CASZ1: variants seen among roughly 807,000 people sequenced by gnomAD.
CASZ1 encodes zinc finger protein castor homolog 1.
Under a neutral mutation model 135.2 loss-of-function variants are expected in CASZ1, and 28 were observed. That is an observed-to-expected ratio of 0.21 (90% confidence interval 0.15 to 0.28). The LOEUF (loss-of-function observed/expected upper bound fraction) is 0.28. CASZ1 is among the 10% of genes least tolerant of loss of function. The probability of loss-of-function intolerance (pLI) is 1.00; values close to 1 mark genes in which losing one functional copy is unlikely to be tolerated. For synonymous variants in CASZ1, 1,068 were observed against 1,073.4 expected (o/e 0.99, Z 0.10); for missense variants, 2,161 against 2,453.3 (o/e 0.88, Z 2.52).
chr1:10,661,811 CCACA>C (rs1005327421), intron 5 of CASZ1, among the ~76,000 whole-genome samples: 26 of 146,030 alleles, frequency 1.8e-4, no homozygotes, highest in Non-Finnish European at 3.0e-4. Flanking sequence ...ACACACACAC[CCACA>C]GTCACATGTA....
At chr1:10,733,384 T>G (rs981185420) in intron 2 of CASZ1, among the ~76,000 whole-genome samples, 1 of 152,098 alleles carries the variant, frequency 6.6e-6, no homozygotes, top group African/African-American at 2.4e-5. Flanking sequence ...ACCCTGACAC[T>G]CGCCACTGCC....
At chr1:10,740,301 C>T (rs1249125849) in intron 2 of CASZ1, among the ~76,000 whole-genome samples, 1 of 152,216 alleles carries the variant, frequency 6.6e-6, no homozygotes, top group Non-Finnish European at 1.5e-5. Context: ...CCCAGCTCTG[C>T]CCCGTTCCAG....
At chr1:10,783,279 A>C (rs61775156) in intron 1 of CASZ1, among the ~76,000 whole-genome samples, 1 of 118,710 alleles carries the variant, frequency 8.4e-6, no homozygotes. Context: ...GTGTGTGTGT[A>C]TGTGTGTGTA....
At chr1:10,664,842 C>T (rs1255520817) in intron 5 of CASZ1, among the ~76,000 whole-genome samples, 1 of 151,666 alleles carries the variant, frequency 6.6e-6, no homozygotes, top group East Asian at 1.9e-4. Flanking sequence ...CTGTCCACCC[C>T]TCTGCCTGTG....
At position 10,660,106 on chromosome 1, in the gene CASZ1, G is replaced by A. The variant is rs150271253; in HGVS notation, c.936C>T (p.Tyr312=). ...TCTTCAGTTTTTGGATGAAGAAGTC[G>A]TACTTGGAGGCCCGGGCTACCAGGT... ...MQNLVARASK[Y]DFFIQKLKTG... Residue 312 remains tyrosine, a synonymous_variant, in exon 6 of 21, where the codon TAC becomes TAT. Coordinates refer to ENST00000377022, the MANE Select transcript of CASZ1 (RefSeq NM_001079843.3). 163 of 1,614,148 alleles carry A rather than the reference G, an allele frequency of 1.0e-4. No homozygotes were observed. Among genetic ancestry groups the A allele is most frequent in the Non-Finnish European group, 1.2e-4 (143 of 1,180,018 alleles).
intron 3 of CASZ1, among the ~76,000 whole-genome samples, 181 bp downstream of exon 3, chr1:10,705,311 G>C (rs1272591044): frequency 6.6e-6 from 1 of 152,248 alleles, no homozygotes. Flanking sequence ...CTACTGGCGG[G>C]AGGGCATCTT....
chr1:10,658,621 G>C (rs1642891172), intron 6 of CASZ1, 45 bp from the exon 7 acceptor site: 1 of 1,562,366 alleles, frequency 6.4e-7, no homozygotes, highest in Non-Finnish European at 8.8e-7. Flanking sequence ...AGATGGGGCA[G>C]CCTCGTGTTA....
In CASZ1 at chr1:10,794,556, G is replaced by A. The variant is rs566318090; in HGVS notation, c.-234+2008C>T. Among the ~76,000 whole-genome samples the A allele has an allele frequency of 2.6e-5, 4 of 152,058 alleles. No homozygotes were observed. The highest frequency in any genetic ancestry group is 5.9e-5 in the Non-Finnish European group (4 of 68,014). ...CACCCGCACCCGCACCGTAGCCAGCGTGGCTGGAAGGAGGTCCTCGCCGCG... is the reference window on the plus strand; with the variant it reads ...CACCCGCACCCGCACCGTAGCCAGCATGGCTGGAAGGAGGTCCTCGCCGCG... On this transcript the variant is annotated intron_variant, in intron 1 of 20. Transcript: ENST00000377022. The surrounding 1 kb of genome is among the most constrained non-coding windows in gnomAD (Gnocchi z 5.6).
In CASZ1 at chr1:10,647,844, C is replaced by A; in HGVS notation, c.3454G>T (p.Ala1152Ser). 4 of 1,613,860 alleles carry A rather than the reference C, an allele frequency of 2.5e-6. No individual in the cohort carries two copies. Among genetic ancestry groups the A allele is most frequent in the Non-Finnish European group, 3.4e-6 (4 of 1,180,014 alleles). Reference protein sequence around the residue: ...SPLATTSLENAKPQVKPGFLQ... With the variant: ...SPLATTSLENSKPQVKPGFLQ... Reference sequence around the variant, plus strand: ...AATCCGGGTTTGACCTGGGGCTTGGCGTTCTCTAGAGAAGTCGTTGCCAAG... The same window carrying A: ...AATCCGGGTTTGACCTGGGGCTTGGAGTTCTCTAGAGAAGTCGTTGCCAAG... Residue 1152 changes from alanine to serine, a missense_variant, in exon 16 of 21, where the codon GCC becomes TCC. Transcript: ENST00000377022. The surrounding 1 kb of genome is among the most constrained non-coding windows in gnomAD (Gnocchi z 4.9).
chr1:10,750,427 C>T lies in CASZ1; in HGVS notation c.-77+10274G>A, dbSNP rs574249996. ...TCCCAAATAGGTAGGACTACAGGTG[C>T]GTGCGCCACCACACCTGGCTAATTT... On this transcript the variant is annotated intron_variant, in intron 2 of 20. Coordinates refer to ENST00000377022, the MANE Select transcript of CASZ1 (RefSeq NM_001079843.3). Among the ~76,000 whole-genome samples, 19 of 152,236 alleles carry T rather than the reference C, an allele frequency of 1.2e-4. 1 individual carries two copies. Among genetic ancestry groups the T allele is most frequent in the African/African-American group, 4.3e-4 (18 of 41,556 alleles).
rs146420553 is a variant in CASZ1 at position 10,689,896 on chromosome 1, C to T, written c.16+3978G>A. ...GTCACTAACCGGTGCACAGCACAAA[C>T]CTCTGTTTGAATGGTACCAGGAAAC... On this transcript the variant is annotated intron_variant, in intron 4 of 20. Coordinates refer to ENST00000377022, the MANE Select transcript of CASZ1 (RefSeq NM_001079843.3). Among the ~76,000 whole-genome samples the T allele has an allele frequency of 6.8e-3, 1,030 of 152,322 alleles. 16 individuals carry two copies. Among genetic ancestry groups the T allele is most frequent in the African/African-American group, 0.023 (972 of 41,558 alleles).
chr1:10,772,016 C>T (rs1488724380), intron 1 of CASZ1, among the ~76,000 whole-genome samples: 2 of 152,182 alleles, frequency 1.3e-5, no homozygotes, highest in East Asian at 1.9e-4. Context: ...AGAGACAAAC[C>T]GGGAGCGGCA....
intron 4 of CASZ1, among the ~76,000 whole-genome samples, chr1:10,670,997 C>T (rs1296905506): frequency 6.6e-6 from 1 of 152,240 alleles, no homozygotes; most frequent in Non-Finnish European, 1.5e-5. Flanking sequence ...AGGGGTTCAG[C>T]CGGGTCCCCT....
At chr1:10,684,016 C>T (rs573242854) in intron 4 of CASZ1, among the ~76,000 whole-genome samples, 2 of 152,346 alleles carry the variant, frequency 1.3e-5, no homozygotes, top group Admixed American at 1.3e-4. Context: ...AGTCCTCTGA[C>T]ATTTAGCATT....
rs1049326235 is a variant in CASZ1, at chr1:10,735,864, G to A, written c.-77+24837C>T. Among the ~76,000 whole-genome samples the A allele has an allele frequency of 1.3e-5, 2 of 152,132 alleles. No individual in the cohort carries two copies. Among genetic ancestry groups the A allele is most frequent in the South Asian group, 4.1e-4 (2 of 4,822 alleles). Reference sequence around the variant, plus strand: ...CCAGAGGCAGTGGCTTAGGATCAGGGGCAGCCCCAGGCACATCAGGTTGAA... The same window carrying A: ...CCAGAGGCAGTGGCTTAGGATCAGGAGCAGCCCCAGGCACATCAGGTTGAA... On this transcript the variant is annotated intron_variant, in intron 2 of 20. Coordinates refer to ENST00000377022, the MANE Select transcript of CASZ1 (RefSeq NM_001079843.3). This position sits in a 1 kb window ranked among gnomAD's most constrained non-coding sequence, Gnocchi z 5.1.
intron 2 of CASZ1, among the ~76,000 whole-genome samples, chr1:10,723,101 G>A (rs1013302108): frequency 2.6e-5 from 4 of 152,268 alleles, no homozygotes; most frequent in African/African-American, 9.6e-5. Context: ...AAGGGCAAGT[G>A]GCTGGGAGTG....
At chr1:10,789,539 T>C (rs1041686693) in intron 1 of CASZ1, among the ~76,000 whole-genome samples, 3 of 151,910 alleles carry the variant, frequency 2.0e-5, no homozygotes, top group African/African-American at 7.3e-5. Context: ...TCTCTCTCTC[T>C]CTCTATCCTC....
chr1:10,639,619 T>C lies in CASZ1; in HGVS notation c.4603A>G (p.Lys1535Glu). 1 of 1,609,898 alleles carries C rather than the reference T, an allele frequency of 6.2e-7. No individual in the cohort carries two copies. The highest frequency in any genetic ancestry group is 8.5e-7 in the Non-Finnish European group (1 of 1,179,442). ...TDSTKVTAHRKHHGKQDVISA... is the reference protein window; with the variant it reads ...TDSTKVTAHREHHGKQDVISA... ...ATCACGTCCTGTTTGCCGTGGTGCT[T>C]GCGATGCGCCGTGACCTTGGTGCTG... Residue 1535 changes from lysine to glutamate, a missense_variant, in exon 21 of 21, where the codon AAG becomes GAG. Physicochemically the swap from Lys to Glu is moderately conservative, Grantham distance 56 (BLOSUM62 1). Transcript: ENST00000377022. The surrounding 1 kb of genome is among the most constrained non-coding windows in gnomAD (Gnocchi z 4.0).
chr1:10,723,182 T>A (rs1570525561), intron 2 of CASZ1, among the ~76,000 whole-genome samples: 1 of 152,270 alleles, frequency 6.6e-6, no homozygotes, highest in South Asian at 2.1e-4. Context: ...CGCCTGCCAG[T>A]GTGGATGGTG....
Sources: gnomAD v4.1 joint callset for allele counts (sites outside exome capture counted in the v4.1 genomes callset) on GRCh38, gnomAD v4.1.1 for gene constraint, Gnocchi (gnomAD v3.1) non-coding constraint, MANE v1.5 for transcripts, NCBI Gene and HGNC (gene_info 2026-07-23, HGNC 2026-07-21) for gene names.